The following CSMD1 variants were observed in gnomAD, a reference collection of about 807,000 sequenced individuals.
The protein encoded by CSMD1 is CUB and sushi domain-containing protein 1.
CSMD1 carries 213 observed loss-of-function variants against 417.5 expected under a neutral mutation model. The observed-to-expected ratio is 0.51, with a 90% CI of 0.46 to 0.57. The LOEUF is 0.57. Ranked by LOEUF, CSMD1 falls within the 20% of genes least tolerant of loss-of-function variation. The pLI, the probability that CSMD1 is intolerant of heterozygous loss-of-function variation, is 0.00. For missense variants in CSMD1, 6,923 were observed against 4,529.7 expected, an observed-to-expected ratio of 1.53 and a Z score of -15.17; for synonymous variants, 2,862 against 1,736.8, an observed-to-expected ratio of 1.65 and a Z score of -16.11.
chr8:3,922,587 A>T (rs1405243229), intron 5 of CSMD1, among the ~76,000 whole-genome samples: 1 of 152,182 alleles, frequency 6.6e-6, no homozygotes. Context: ...AGGATTAAAT[A>T]AAACATCTTC....
chr8:3,047,917 G>C (rs1205173509), intron 50 of CSMD1, among the ~76,000 whole-genome samples: 1 of 152,176 alleles, frequency 6.6e-6, no homozygotes, highest in Admixed American at 6.5e-5. Flanking sequence ...TGCCGTGAAG[G>C]CATTCTGTTC....
chr8:4,914,952 G>A (rs190687038), intron 1 of CSMD1, among the ~76,000 whole-genome samples: 44 of 152,286 alleles, frequency 2.9e-4, no homozygotes, highest in African/African-American at 1.0e-3. Flanking sequence ...TGATGATGAT[G>A]ATGAAACGCA....
intron 2 of CSMD1, among the ~76,000 whole-genome samples, chr8:4,595,514 T>G (rs13259583): frequency 0.45 from 68,334 of 151,524 alleles, 17,661 homozygotes; most frequent in Non-Finnish European, 0.57. Flanking sequence ...TGTTTTTGCT[T>G]CATGCTAATG....
At chr8:4,367,442 T>C (rs61278929) in intron 3 of CSMD1, among the ~76,000 whole-genome samples, 36,978 of 152,046 alleles carry the variant, frequency 0.24, 4,710 homozygotes, top group Middle Eastern at 0.29. Context: ...ACCAGTACCA[T>C]GATGTTTTGA....
chr8:3,389,903 G>A (rs1438241491), intron 17 of CSMD1, among the ~76,000 whole-genome samples: 1 of 152,122 alleles, frequency 6.6e-6, no homozygotes, highest in Non-Finnish European at 1.5e-5. Flanking sequence ...TTTGAAATAT[G>A]CAGACATTGT....
At chr8:3,961,276 T>C (rs1812302485) in intron 5 of CSMD1, among the ~76,000 whole-genome samples, 1 of 152,292 alleles carries the variant, frequency 6.6e-6, no homozygotes, top group African/African-American at 2.4e-5. Flanking sequence ...AGCATAAAAG[T>C]TATATAAGCA....
chr8:4,418,839 C>T (rs1280709538), intron 3 of CSMD1, among the ~76,000 whole-genome samples: 1 of 152,148 alleles, frequency 6.6e-6, no homozygotes, highest in Non-Finnish European at 1.5e-5. Context: ...CAGCCACTGA[C>T]GCTGGCTTAT....
intron 3 of CSMD1, among the ~76,000 whole-genome samples, chr8:4,140,579 G>A (rs181258601): frequency 1.3e-5 from 2 of 151,084 alleles, no homozygotes; most frequent in East Asian, 3.9e-4. Flanking sequence ...AAGGTGGGAA[G>A]ACTGCTTGAA....
chr8:3,671,205 C>G (rs1351234607), intron 7 of CSMD1, among the ~76,000 whole-genome samples: 1 of 143,138 alleles, frequency 7.0e-6, no homozygotes, highest in African/African-American at 2.6e-5. Context: ...TATATGGGAT[C>G]TATGTATAGG....
intron 50 of CSMD1, among the ~76,000 whole-genome samples, chr8:3,048,227 C>T (rs752302517): frequency 2.0e-5 from 3 of 151,866 alleles, no homozygotes; most frequent in Non-Finnish European, 2.9e-5. Flanking sequence ...CCAACAAGAC[C>T]GATCTTGTAG....
At position 2,961,180 on chromosome 8, in the gene CSMD1, C is replaced by T. The variant is rs749126806; in HGVS notation, c.9663G>A (p.Thr3221=). The part of the protein sequence containing the change: ...PAHNTCPDPG[T]PHFGIQNSSR... ...AGCTATTCTGTATTCCAAAGTGTGG[C>T]GTACCAGGGTCTGGGCAGGTGTTAT... Residue 3221 remains threonine (T), a synonymous_variant, in exon 62 of 70, where the codon ACG becomes ACA. Coordinates refer to ENST00000635120, the MANE Select transcript of CSMD1 (RefSeq NM_033225.6). The T allele has an allele frequency of 1.4e-5, 23 of 1,601,568 alleles. No individual in the cohort carries two copies. The highest frequency in any genetic ancestry group is 1.7e-4 in the Middle Eastern group (1 of 6,034).
At position 3,108,720 on chromosome 8, in the gene CSMD1, G is replaced by C. The variant is rs1391652618; in HGVS notation, c.6637C>G (p.Leu2213Val). The C allele has an allele frequency of 1.2e-6, 2 of 1,613,426 alleles. No homozygotes were observed. Among genetic ancestry groups the C allele is most frequent in the Non-Finnish European group, 1.7e-6 (2 of 1,179,714 alleles). ...GCTGTGTTGCCACTGAAAACTCCCA[G>C]CTGGGGTGAGTTCTGATCGGGACCG... The part of the protein sequence containing the change: ...WDGPDQNSPQ[L>V]GVFSGNTALE... Residue 2213 changes from leucine to valine, a missense_variant, in exon 44 of 70, where the codon CTG becomes GTG. Coordinates refer to ENST00000635120, the MANE Select transcript of CSMD1 (RefSeq NM_033225.6).
At chr8:4,079,174 A>G (rs1340165849) in intron 3 of CSMD1, among the ~76,000 whole-genome samples, 3 of 152,026 alleles carry the variant, frequency 2.0e-5, no homozygotes, top group African/African-American at 7.2e-5. Flanking sequence ...TATAAATTGA[A>G]TATAAGCTAA....
At chr8:3,988,056 T>A (rs1814468261) in intron 5 of CSMD1, among the ~76,000 whole-genome samples, 1 of 152,232 alleles carries the variant, frequency 6.6e-6, no homozygotes. Flanking sequence ...GAAACACTAC[T>A]GTGCCTAAAA....
intron 12 of CSMD1, among the ~76,000 whole-genome samples, chr8:3,450,302 A>G (rs985108265): frequency 6.9e-6 from 1 of 145,280 alleles, no homozygotes; most frequent in African/African-American, 2.6e-5. Context: ...GTTGCATACA[A>G]GCCTCTCCTA....
intron 11 of CSMD1, among the ~76,000 whole-genome samples, chr8:3,490,155 A>G (rs772939218): frequency 1.3e-5 from 2 of 152,214 alleles, no homozygotes; most frequent in East Asian, 1.9e-4. Context: ...CTAAGGACAT[A>G]TATCAGTGGC....
intron 2 of CSMD1, among the ~76,000 whole-genome samples, chr8:4,451,351 AAAT>A (rs1440972141): frequency 4.6e-5 from 7 of 152,164 alleles, no homozygotes; most frequent in African/African-American, 7.2e-5. Context: ...CCCTGACTCA[AAAT>A]AATAAGGCAA....
At chr8:4,295,567 T>C (rs1797630561) in intron 3 of CSMD1, among the ~76,000 whole-genome samples, 1 of 144,848 alleles carries the variant, frequency 6.9e-6, no homozygotes, top group Non-Finnish European at 1.5e-5. Context: ...TTATATGTCA[T>C]CTTTTTAAGG....
chr8:4,713,233 G>C (rs552763139), intron 1 of CSMD1, among the ~76,000 whole-genome samples: 1 of 152,188 alleles, frequency 6.6e-6, no homozygotes, highest in Non-Finnish European at 1.5e-5. Flanking sequence ...AGATTTATTA[G>C]CCAATTACTC....
Sources: gnomAD v4.1 joint callset for allele counts (sites outside exome capture counted in the v4.1 genomes callset) on GRCh38, gnomAD v4.1.1 for gene constraint, MANE v1.5 for transcripts, NCBI Gene and HGNC (gene_info 2026-07-23, HGNC 2026-07-21) for gene names.